Variants in TENM3 observed in about 807,000 individuals in gnomAD.
The protein encoded by TENM3 is teneurin transmembrane protein 3.
Under a neutral mutation model 255.1 loss-of-function variants are expected in TENM3, and 63 were observed. The observed-to-expected ratio is 0.25, with a 90% CI of 0.20 to 0.30. The LOEUF (loss-of-function observed/expected upper bound fraction) is 0.30, where lower values mean the gene tolerates loss of function less well. TENM3 is among the 10% of genes least tolerant of loss of function. The probability of loss-of-function intolerance (pLI) is 1.00; values close to 1 mark genes in which losing one functional copy is unlikely to be tolerated. For missense variants in TENM3, 2,929 were observed against 3,461.1 expected (o/e 0.85, Z 3.86); for synonymous variants, 1,306 against 1,322.3 (o/e 0.99, Z 0.27).
intron 4 of TENM3, among the ~76,000 whole-genome samples, chr4:182,621,628 A>G (rs1476674792): frequency 5.4e-5 from 2 of 37,286 alleles, no homozygotes; most frequent in Non-Finnish European, 6.5e-5. Flanking sequence ...TATATATAAA[A>G]TATATAATAT....
chr4:181,669,592 T>C, the TENM3 span, among the ~76,000 whole-genome samples: 3 of 152,126 alleles, frequency 2.0e-5, no homozygotes, highest in Non-Finnish European at 4.4e-5. Flanking sequence ...AATTTCCCAG[T>C]GTTACCCCAT....
chr4:182,583,132 A>G (rs1038327491), intron 3 of TENM3, among the ~76,000 whole-genome samples: 4 of 152,212 alleles, frequency 2.6e-5, no homozygotes, highest in Admixed American at 6.5e-5. Context: ...AACTCAGGAG[A>G]GCTGTAGCCA....
the TENM3 span, among the ~76,000 whole-genome samples, chr4:181,888,587 TATGC>T: frequency 1.9e-5 from 1 of 53,766 alleles, no homozygotes. Context: ...TACATATATA[TATGC>T]GTGTGTGTGT....
intron 24 of TENM3, among the ~76,000 whole-genome samples, chr4:182,778,612 G>C (rs1307197880): frequency 6.6e-6 from 1 of 152,062 alleles, no homozygotes; most frequent in Non-Finnish European, 1.5e-5. Context: ...CCATCTGCTG[G>C]TATCACTCCC....
the TENM3 span, among the ~76,000 whole-genome samples, chr4:182,123,506 G>A: frequency 6.6e-6 from 1 of 152,160 alleles, no homozygotes; most frequent in African/African-American, 2.4e-5. Context: ...TTGTCTCAGG[G>A]ACTAGATGGG....
chr4:181,862,901 C>T, the TENM3 span, among the ~76,000 whole-genome samples: 1 of 152,028 alleles, frequency 6.6e-6, no homozygotes, highest in Non-Finnish European at 1.5e-5. Flanking sequence ...AAAGAATATC[C>T]TGGTTCTCAC....
chr4:181,850,448 G>A, the TENM3 span, among the ~76,000 whole-genome samples: 72 of 151,696 alleles, frequency 4.7e-4, no homozygotes, highest in African/African-American at 1.7e-3. Context: ...TTTTTAAATG[G>A]CATTTGTTTG....
chr4:181,904,300 A>G, the TENM3 span, among the ~76,000 whole-genome samples: 1 of 151,990 alleles, frequency 6.6e-6, no homozygotes, highest in Non-Finnish European at 1.5e-5. Context: ...CCCAGAGCCT[A>G]TGACCCACCT....
chr4:182,263,673 C>T, intron 1 of TENM3, among the ~76,000 whole-genome samples: 1 of 152,236 alleles, frequency 6.6e-6, no homozygotes, highest in Admixed American at 6.5e-5. Context: ...CCTCTGGCCT[C>T]CCTGAGCATT....
intron 3 of TENM3, among the ~76,000 whole-genome samples, chr4:182,534,615 G>A (rs72701939): frequency 0.01 from 1,585 of 152,262 alleles, 10 homozygotes; most frequent in Non-Finnish European, 0.017. Context: ...ATGGGGCATA[G>A]TATTATTTTT....
At chr4:182,247,941 A>G (rs1757760104) in intron 1 of TENM3, among the ~76,000 whole-genome samples, 1 of 152,184 alleles carries the variant, frequency 6.6e-6, no homozygotes, top group South Asian at 2.1e-4. Flanking sequence ...TTCCTAAGCC[A>G]TGAAGTACAA....
At chr4:181,908,623 A>G in the TENM3 span, among the ~76,000 whole-genome samples, 1 of 152,206 alleles carries the variant, frequency 6.6e-6, no homozygotes, top group Non-Finnish European at 1.5e-5. Flanking sequence ...TTCGGGGCCT[A>G]GTTTTCAAGA....
At chr4:181,928,199 A>G in the TENM3 span, among the ~76,000 whole-genome samples, 6 of 152,108 alleles carry the variant, frequency 3.9e-5, no homozygotes, top group Non-Finnish European at 5.9e-5. Flanking sequence ...TAACAGAAGT[A>G]GGCTTCAGAA....
At chr4:182,161,628 A>AC (rs1561152437) in intron 1 of TENM3, among the ~76,000 whole-genome samples, 1 of 84,110 alleles carries the variant, frequency 1.2e-5, no homozygotes, top group South Asian at 5.5e-4. Flanking sequence ...TATATATACA[A>AC]ATATATATAT....
At chr4:182,263,631 A>G (rs561556214) in intron 1 of TENM3, among the ~76,000 whole-genome samples, 98 of 152,172 alleles carry the variant, frequency 6.4e-4, no homozygotes, top group African/African-American at 2.2e-3. Context: ...CAGCCGCCTA[A>G]ACTTTTCAGT....
intron 3 of TENM3, among the ~76,000 whole-genome samples, chr4:182,581,993 A>G (rs1020561494): frequency 6.6e-6 from 1 of 152,192 alleles, no homozygotes; most frequent in African/African-American, 2.4e-5. Flanking sequence ...AAGACCGCCC[A>G]CATACTAAAA....
At chr4:181,588,859 G>A in the TENM3 span, among the ~76,000 whole-genome samples, 1 of 152,174 alleles carries the variant, frequency 6.6e-6, no homozygotes, top group Admixed American at 6.5e-5. Flanking sequence ...CTTATAAAGA[G>A]GGTGAGAGGT....
chr4:181,938,688 G>A, the TENM3 span, among the ~76,000 whole-genome samples: 101 of 152,158 alleles, frequency 6.6e-4, no homozygotes, highest in South Asian at 1.0e-3. Flanking sequence ...CCCCCACCTC[G>A]TGCCCATTTC....
chr4:181,663,613 G>C, the TENM3 span, among the ~76,000 whole-genome samples: 1 of 152,284 alleles, frequency 6.6e-6, no homozygotes, highest in African/African-American at 2.4e-5. Context: ...TATGCTTAAA[G>C]AGCTGTAGAT....
Sources: allele counts gnomAD v4.1 joint callset (sites outside exome capture counted in the v4.1 genomes callset), GRCh38; gene constraint gnomAD v4.1.1; transcripts MANE v1.5; gene names NCBI Gene and HGNC (gene_info 2026-07-23, HGNC 2026-07-21).